The following SEMA3A variants were observed in gnomAD, a reference collection of about 807,000 sequenced individuals.
SEMA3A encodes semaphorin-3A.
A neutral mutation model predicts 97.9 loss-of-function variants in SEMA3A; 29 were observed. The observed-to-expected ratio is 0.30, with a 90% CI of 0.22 to 0.40. The LOEUF is 0.40. Ranked by LOEUF, SEMA3A falls within the 10% of genes least tolerant of loss-of-function variation. SEMA3A has a pLI of 1.00. For missense variants in SEMA3A, 763 were observed against 951.3 expected (o/e 0.80, Z 2.60); for synonymous variants, 321 against 323.7 (o/e 0.99, Z 0.09).
intron 12 of SEMA3A, among the ~76,000 whole-genome samples, chr7:83,991,181 CTT>C (rs1179095132): frequency 6.6e-6 from 1 of 151,504 alleles, no homozygotes; most frequent in African/African-American, 2.4e-5. Flanking sequence ...TATCCTGAGA[CTT>C]TGCTGAAGTT....
intron 1 of SEMA3A, among the ~76,000 whole-genome samples, chr7:84,173,079 G>GAA (rs1252348712): frequency 6.6e-6 from 1 of 152,202 alleles, no homozygotes; most frequent in Admixed American, 6.5e-5. Flanking sequence ...ATTTTCAGAG[G>GAA]AAAAGTACAG....
At chr7:84,137,603 G>C (rs1041608817) in intron 1 of SEMA3A, among the ~76,000 whole-genome samples, 2 of 144,954 alleles carry the variant, frequency 1.4e-5, no homozygotes, top group Admixed American at 1.4e-4. Flanking sequence ...CATTCAAAGA[G>C]ATCTGTTTAT....
intron 3 of SEMA3A, among the ~76,000 whole-genome samples, chr7:84,254,501 G>A (rs753996688): frequency 2.6e-5 from 4 of 152,180 alleles, no homozygotes; most frequent in South Asian, 2.1e-4. Context: ...GTTGATCTGC[G>A]GTGGCTTAGC....
chr7:84,488,053 T>C (rs1036426980), intron 1 of SEMA3A, among the ~76,000 whole-genome samples: 1 of 152,006 alleles, frequency 6.6e-6, no homozygotes, highest in Admixed American at 6.6e-5. Flanking sequence ...CTGTTAAAAA[T>C]AAAATGAAAT....
At chr7:84,129,451 T>C (rs1329792053) in intron 2 of SEMA3A, among the ~76,000 whole-genome samples, 1 of 152,126 alleles carries the variant, frequency 6.6e-6, no homozygotes, top group African/African-American at 2.4e-5. Flanking sequence ...ATCTAAGCAG[T>C]GTAGTATGGC....
At chr7:84,248,151 G>A (rs1187485922) in intron 3 of SEMA3A, among the ~76,000 whole-genome samples, 1 of 152,032 alleles carries the variant, frequency 6.6e-6, no homozygotes, top group Non-Finnish European at 1.5e-5. Context: ...TCCAGTAAAT[G>A]ACAAACATAA....
intron 2 of SEMA3A, among the ~76,000 whole-genome samples, chr7:84,347,903 T>C (rs1802340737): frequency 6.6e-6 from 1 of 152,176 alleles, no homozygotes; most frequent in Non-Finnish European, 1.5e-5. Flanking sequence ...TGGACATGTT[T>C]CAGGACATGA....
At position 84,194,699 on chromosome 7, in the gene SEMA3A, C is replaced by A; in HGVS notation, c.-113G>T. 4 of 654,958 alleles carry A rather than the reference C, an allele frequency of 6.1e-6. No individual in the cohort carries two copies. Among genetic ancestry groups the A allele is most frequent in the Non-Finnish European group, 8.3e-6 (3 of 363,068 alleles). 40.6% of individuals were successfully genotyped at this position (654,958 alleles called of 1,614,324 possible). On this transcript the variant is annotated 5_prime_UTR_variant, in exon 1 of 17. The change abolishes an upstream ATG in the 5' untranslated region. Transcript: ENST00000265362. ...GGTAACAGGTGATTTAGGTCAGTTT[C>A]ATTCATAAATGCAGACAATCAAGAC... is the stretch of plus-strand genomic sequence containing the variant.
chr7:84,465,602 C>A (rs1175697669), intron 1 of SEMA3A, among the ~76,000 whole-genome samples: 2 of 152,046 alleles, frequency 1.3e-5, no homozygotes, highest in East Asian at 3.8e-4. Context: ...CTGAAAATTT[C>A]AAAAATATCC....
At chr7:84,148,599 T>G (rs1796535001) in intron 1 of SEMA3A, among the ~76,000 whole-genome samples, 1 of 152,208 alleles carries the variant, frequency 6.6e-6, no homozygotes, top group African/African-American at 2.4e-5. Flanking sequence ...CTAATGACAT[T>G]TGTACATAAC....
At chr7:84,436,400 C>T (rs966858739) in intron 1 of SEMA3A, among the ~76,000 whole-genome samples, 1 of 152,128 alleles carries the variant, frequency 6.6e-6, no homozygotes, top group Non-Finnish European at 1.5e-5. Flanking sequence ...AGACAACCTA[C>T]ACAATGGAAG....
At chr7:84,053,265 C>T (rs1481365110) in intron 5 of SEMA3A, among the ~76,000 whole-genome samples, 1 of 105,608 alleles carries the variant, frequency 9.5e-6, no homozygotes. Flanking sequence ...CCTGGGTATC[C>T]TTGTTGACTT....
At chr7:84,288,725 A>C (rs1018241598) in intron 3 of SEMA3A, among the ~76,000 whole-genome samples, 8 of 151,784 alleles carry the variant, frequency 5.3e-5, no homozygotes, top group African/African-American at 1.9e-4. Flanking sequence ...AAACAAAAAC[A>C]AAAAAAACCA....
chr7:84,050,893 G>A (rs1792599883), intron 5 of SEMA3A, among the ~76,000 whole-genome samples: 2 of 151,418 alleles, frequency 1.3e-5, no homozygotes, highest in South Asian at 2.1e-4. Context: ...TGTATAAGGT[G>A]TAAGGAAGGG....
In SEMA3A at chr7:84,277,635, G is replaced by A. The variant is rs369224702; in HGVS notation, c.-83+29572C>T. Among the ~76,000 whole-genome samples the A allele has an allele frequency of 3.2e-4, 49 of 152,256 alleles. No homozygotes were observed. The East Asian group carries it at 9.1e-3, about 28-fold the overall frequency. ...GAGACAGGGCAATTTATAAAGAAAA[G>A]AGGTTTAATTGGCTCATGGTTCTAC... On this transcript the variant is annotated intron_variant, in intron 3 of 3. Coordinates refer to the SEMA3A transcript ENST00000424555.
intron 6 of SEMA3A, among the ~76,000 whole-genome samples, chr7:84,015,793 C>A (rs1791075361): frequency 6.6e-6 from 1 of 152,118 alleles, no homozygotes; most frequent in South Asian, 2.1e-4. Context: ...TGGGACCATG[C>A]ATTCAAGTAT....
intron 1 of SEMA3A, among the ~76,000 whole-genome samples, chr7:84,477,932 C>A (rs1806341013): frequency 6.6e-6 from 1 of 152,136 alleles, no homozygotes; most frequent in African/African-American, 2.4e-5. Flanking sequence ...CTTTCTTTTG[C>A]CAAGTCACCC....
At chr7:84,439,253 T>C (rs1259528722) in intron 1 of SEMA3A, among the ~76,000 whole-genome samples, 3 of 152,176 alleles carry the variant, frequency 2.0e-5, no homozygotes, top group South Asian at 4.1e-4. Context: ...AATATGCACA[T>C]AGCCTCCCAC....
intron 3 of SEMA3A, among the ~76,000 whole-genome samples, chr7:84,265,029 AC>A (rs1434436651): frequency 6.6e-6 from 1 of 152,082 alleles, no homozygotes; most frequent in Non-Finnish European, 1.5e-5. Flanking sequence ...AATAGCACCC[AC>A]TTCCCAACCC....
Sources: gnomAD v4.1 joint callset for allele counts (sites outside exome capture counted in the v4.1 genomes callset) on GRCh38, gnomAD v4.1.1 for gene constraint, MANE v1.5 for transcripts, NCBI Gene and HGNC (gene_info 2026-07-23, HGNC 2026-07-21) for gene names.